The following ERC2 variants were observed in gnomAD, a reference collection of about 807,000 sequenced individuals.
ERC2 encodes the protein ERC protein 2.
ERC2 carries 42 observed loss-of-function variants against 114.8 expected under a neutral mutation model. The observed-to-expected ratio is 0.37, with a 90% CI of 0.29 to 0.47. The LOEUF (loss-of-function observed/expected upper bound fraction) is 0.47. Ranked by LOEUF, ERC2 falls within the 20% of genes least tolerant of loss-of-function variation. The probability of loss-of-function intolerance (pLI) is 0.99; values close to 1 mark genes in which losing one functional copy is unlikely to be tolerated. For synonymous variants in ERC2, 454 were observed against 425.5 expected (o/e 1.07, Z -0.82); for missense variants, 939 against 1,150.7 (o/e 0.82, Z 2.66).
rs145416627 is a variant in ERC2 at position 55,778,288 on chromosome 3, C to T, written c.2565-43370G>A. On this transcript the variant is annotated intron_variant, in intron 14 of 17. Transcript: ENST00000288221. Reference sequence around the variant, plus strand: ...TCTGGAAACATGACTTGGGTAAGTCCGGCTGTTTCTAAGACTCTACTTTTG... The same window carrying T: ...TCTGGAAACATGACTTGGGTAAGTCTGGCTGTTTCTAAGACTCTACTTTTG... Among the ~76,000 whole-genome samples, 183 of 152,218 alleles carry T rather than the reference C, an allele frequency of 1.2e-3. 1 individual carries two copies. The highest frequency in any genetic ancestry group is 4.0e-3 in the African/African-American group (165 of 41,526).
intron 17 of ERC2, among the ~76,000 whole-genome samples, chr3:55,677,223 A>T (rs2061853488): frequency 6.6e-6 from 1 of 152,180 alleles, no homozygotes; most frequent in Non-Finnish European, 1.5e-5. Flanking sequence ...ATAAACAGGG[A>T]CTAATTCATA....
chr3:56,041,013 T>G (rs2075160713), intron 7 of ERC2, among the ~76,000 whole-genome samples: 1 of 151,948 alleles, frequency 6.6e-6, no homozygotes, highest in Admixed American at 6.6e-5. Context: ...TCAATCAATT[T>G]TATGATAATT....
At chr3:55,519,098 A>G (rs1171006155) in intron 17 of ERC2, among the ~76,000 whole-genome samples, 1 of 152,218 alleles carries the variant, frequency 6.6e-6, no homozygotes, top group Non-Finnish European at 1.5e-5. Context: ...CCACTTGGGT[A>G]GCGCCGGTAC....
chr3:55,739,619 TA>T (rs2065861602), intron 14 of ERC2, among the ~76,000 whole-genome samples: 1 of 152,172 alleles, frequency 6.6e-6, no homozygotes, highest in East Asian at 1.9e-4. Context: ...TTTTTTCTTG[TA>T]AATTTATTTA....
chr3:55,686,443 GAT>G (rs2062336490), intron 16 of ERC2, among the ~76,000 whole-genome samples: 1 of 152,186 alleles, frequency 6.6e-6, no homozygotes, highest in Non-Finnish European at 1.5e-5. Context: ...ATCGCCAAAT[GAT>G]CTGGGTCAGA....
chr3:55,854,404 T>A (rs1315145909), intron 14 of ERC2, among the ~76,000 whole-genome samples: 1 of 152,228 alleles, frequency 6.6e-6, no homozygotes, highest in Non-Finnish European at 1.5e-5. Context: ...TGGTTTGGTT[T>A]GGTTTGGTTT....
chr3:55,831,323 A>G (rs2060561776), intron 14 of ERC2, among the ~76,000 whole-genome samples: 1 of 121,894 alleles, frequency 8.2e-6, no homozygotes, highest in South Asian at 3.5e-4. Flanking sequence ...GAAGGAAAGA[A>G]GAGGGGAGGG....
intron 17 of ERC2, among the ~76,000 whole-genome samples, chr3:55,656,880 G>A (rs1387697913): frequency 6.6e-6 from 1 of 152,226 alleles, no homozygotes; most frequent in Non-Finnish European, 1.5e-5. Flanking sequence ...AGTAGAAGGG[G>A]TCACGATGAA....
intron 3 of ERC2, among the ~76,000 whole-genome samples, chr3:56,216,412 C>T (rs955656524): frequency 2.0e-5 from 3 of 152,136 alleles, no homozygotes; most frequent in Non-Finnish European, 4.4e-5. Flanking sequence ...ATAAATTCCT[C>T]GACACATACA....
intron 15 of ERC2, among the ~76,000 whole-genome samples, chr3:55,718,740 A>G (rs2064273682): frequency 6.6e-6 from 1 of 152,228 alleles, no homozygotes; most frequent in African/African-American, 2.4e-5. Flanking sequence ...ACATCACTCT[A>G]ACATTTTCCT....
intron 14 of ERC2, among the ~76,000 whole-genome samples, chr3:55,756,924 G>GA (rs910090181): frequency 1.3e-5 from 2 of 150,892 alleles, no homozygotes; most frequent in East Asian, 1.9e-4. Flanking sequence ...ATGCAAAGAA[G>GA]AAAAAAAAAG....
intron 14 of ERC2, among the ~76,000 whole-genome samples, chr3:55,843,907 T>C (rs184487040): frequency 6.6e-6 from 1 of 152,370 alleles, no homozygotes; most frequent in East Asian, 1.9e-4. Flanking sequence ...AAATGTTTTC[T>C]GCTGGGCTTC....
chr3:55,830,935 C>T lies in ERC2; in HGVS notation c.2564+57454G>A, dbSNP rs371914159. On this transcript the variant is annotated intron_variant, in intron 14 of 17. Coordinates refer to ENST00000288221, the MANE Select transcript of ERC2 (RefSeq NM_015576.3). ...CTCCAGTCTGAGTGGCAGAGTGACA[C>T]CCCATTTCTTTAAAAACTAAAATAA... Among the ~76,000 whole-genome samples the T allele has an allele frequency of 7.2e-5, 11 of 152,038 alleles. No individual in the cohort carries two copies. The East Asian group carries it at 1.7e-3, about 24-fold the overall frequency.
intron 8 of ERC2, among the ~76,000 whole-genome samples, chr3:56,017,245 T>C (rs1415548235): frequency 6.6e-6 from 1 of 151,984 alleles, no homozygotes; most frequent in Non-Finnish European, 1.5e-5. Context: ...GGAGAGAGCA[T>C]ATGCAAACTC....
At chr3:56,134,048 G>C (rs535539106) in intron 6 of ERC2, among the ~76,000 whole-genome samples, 8 of 152,320 alleles carry the variant, frequency 5.3e-5, no homozygotes, top group African/African-American at 9.6e-5. Flanking sequence ...CAAGTTGCTT[G>C]AGTGTGACCT....
intron 3 of ERC2, among the ~76,000 whole-genome samples, chr3:56,208,317 A>G (rs1225090432): frequency 6.6e-6 from 1 of 151,446 alleles, no homozygotes; most frequent in Non-Finnish European, 1.5e-5. Flanking sequence ...TAACATTCAT[A>G]GAGGGATTTT....
At chr3:56,321,633 T>A (rs984018663) in intron 2 of ERC2, among the ~76,000 whole-genome samples, 14 of 152,248 alleles carry the variant, frequency 9.2e-5, no homozygotes, top group African/African-American at 3.1e-4. Flanking sequence ...CCTGTTGGAC[T>A]GTCTCTGATT....
chr3:56,432,248 A>G (rs895601569), intron 2 of ERC2, among the ~76,000 whole-genome samples: 1 of 152,218 alleles, frequency 6.6e-6, no homozygotes, highest in Non-Finnish European at 1.5e-5. Flanking sequence ...TCTGTGCTCA[A>G]AGATAAACTT....
chr3:55,701,526 G>C (rs2063223939), intron 15 of ERC2, among the ~76,000 whole-genome samples: 1 of 151,980 alleles, frequency 6.6e-6, no homozygotes, highest in African/African-American at 2.4e-5. Context: ...TACAATATTT[G>C]AAAGGCCCCA....
Sources: allele counts gnomAD v4.1 joint callset (sites outside exome capture counted in the v4.1 genomes callset), GRCh38; gene constraint gnomAD v4.1.1; transcripts MANE v1.5; gene names NCBI Gene and HGNC (gene_info 2026-07-23, HGNC 2026-07-21).